FBH1: variants seen among roughly 807,000 people sequenced by gnomAD.
The protein encoded by FBH1 is DNA 3'-5' helicase 1.
In FBH1, 43 loss-of-function variants were observed where a neutral mutation model predicts 115.5. The observed-to-expected ratio is 0.37, with a 90% CI of 0.29 to 0.48. The LOEUF (loss-of-function observed/expected upper bound fraction) is 0.48. Ranked by LOEUF, FBH1 falls within the 20% of genes least tolerant of loss-of-function variation. The pLI is 0.99. For synonymous variants in FBH1, 524 were observed against 507.8 expected (o/e 1.03, Z -0.43); for missense variants, 1,001 against 1,337.3 (o/e 0.75, Z 3.92).
In FBH1 at chr10:5,925,407, G is replaced by A; in HGVS notation, c.2637G>A (p.Glu879=). 6.2e-7 allele frequency: 1 copy of A among 1,614,208 alleles called. No individual in the cohort carries two copies. Among genetic ancestry groups the A allele is most frequent in the Non-Finnish European group, 8.5e-7 (1 of 1,180,042 alleles). Residue 879 remains glutamate (E), a synonymous_variant, in exon 18 of 21, where the codon GAG becomes GAA. Transcript: ENST00000362091. The surrounding 1 kb of genome is among the most constrained non-coding windows in gnomAD (Gnocchi z 4.6). ...LGTVHKAKGL[E]FDTVHVLDDF... ...CTGTGCACAAAGCCAAAGGCCTGGA[G>A]TTTGACACTGTGCATGTTTTGGATG...
chr10:5,911,234 G>C lies in FBH1; in HGVS notation c.1211+106G>C. On this transcript the variant is annotated intron_variant, in intron 6 of 20. Transcript: ENST00000362091. The surrounding 1 kb of genome is among the most constrained non-coding windows in gnomAD (Gnocchi z 5.4). ...TAGCAGTGTTAGCACCTGGCAGGCTGTGGGACCCACCTGCTCCACCTCAGT... is the reference window on the plus strand; with the variant it reads ...TAGCAGTGTTAGCACCTGGCAGGCTCTGGGACCCACCTGCTCCACCTCAGT... The C allele has an allele frequency of 8.8e-7, 1 of 1,135,514 alleles. No individual in the cohort carries two copies. The highest frequency in any genetic ancestry group is 1.2e-6 in the Non-Finnish European group (1 of 801,956). 70.3% of individuals were successfully genotyped at this position (1,135,514 alleles called of 1,614,324 possible).
Position 5,936,230 on chromosome 10 carries a change from AAT to A in FBH1, c.2830-215_2830-214del. The stretch of plus-strand genomic sequence containing the variant: ...AATAGTTTTGCATGTTTATCTGTTA[AAT>A]ATATATATATTTAAAAAGCAATTGG... On this transcript the variant is annotated intron_variant, in intron 19 of 20. Coordinates refer to ENST00000362091, the MANE Select transcript of FBH1 (RefSeq NM_178150.3). The surrounding 1 kb of genome is among the most constrained non-coding windows in gnomAD (Gnocchi z 5.6). 26 of 334,812 alleles carry A rather than the reference AAT, an allele frequency of 7.8e-5. No individual in the cohort carries two copies. The highest frequency in any genetic ancestry group is 8.8e-4 in the Middle Eastern group (1 of 1,136). The allele number at this position is 334,812 out of a possible 1,614,324, so 20.7% of individuals were successfully genotyped here. A position where few individuals can be genotyped will look rare whatever the true frequency, so the allele number is the denominator to read the frequency against.
Position 5,925,296 on chromosome 10 carries a change from A to G in FBH1, c.2597-71A>G, listed in dbSNP as rs1832577179. 3 of 1,576,646 alleles carry G rather than the reference A, an allele frequency of 1.9e-6. No homozygotes were observed. The highest frequency in any genetic ancestry group is 1.2e-5 in the South Asian group (1 of 86,280). On this transcript the variant is annotated intron_variant, in intron 17 of 20. Transcript: ENST00000362091. This position sits in a 1 kb window ranked among gnomAD's most constrained non-coding sequence, Gnocchi z 4.6. ...TCGAGTTCAGAGTCAAGTGGGAAAC[A>G]TGTATGTTTTTGTCATCTTGTTTCT... is the stretch of plus-strand genomic sequence containing the variant.
chr10:5,922,616 T>A (rs1832379910), intron 15 of FBH1, among the ~76,000 whole-genome samples: 1 of 152,244 alleles, frequency 6.6e-6, no homozygotes, highest in African/African-American at 2.4e-5. Flanking sequence ...CACACCTGGT[T>A]GTGGGTTATA....
rs1831712095 is a variant in FBH1 at position 5,913,169 on chromosome 10, TC to T, written c.1212-577del. On this transcript the variant is annotated intron_variant, in intron 6 of 20. Transcript: ENST00000362091. The surrounding 1 kb of genome is among the most constrained non-coding windows in gnomAD (Gnocchi z 4.4). The stretch of plus-strand genomic sequence containing the variant: ...TGCCTCTGCTGATTGAACTTTGTCA[TC>T]TTTGGTCCCTCTTGGTGACTTGGAG... Among the ~76,000 whole-genome samples the T allele has an allele frequency of 6.6e-6, 1 of 152,134 alleles. No homozygotes were observed. Among genetic ancestry groups the T allele is most frequent in the African/African-American group, 2.4e-5 (1 of 41,420 alleles).
intron 18 of FBH1, among the ~76,000 whole-genome samples, chr10:5,926,938 G>A (rs1832690057): frequency 6.6e-6 from 1 of 152,232 alleles, no homozygotes; most frequent in African/African-American, 2.4e-5. Flanking sequence ...TGTCTTCCTT[G>A]TTGTCCTGTG....
chr10:5,931,883 C>A lies in FBH1; in HGVS notation c.2829+4342C>A, dbSNP rs866022946. 6.6e-6 allele frequency among the ~76,000 whole-genome samples: 1 copy of A among 152,178 alleles called. No individual in the cohort carries two copies. The highest frequency in any genetic ancestry group is 1.5e-5 in the Non-Finnish European group (1 of 68,032). ...TTGCGCCTGGGCACAGTGGCTCACC[C>A]CTGTAATCCCAGCACTTTGCGGGGC... is the stretch of plus-strand genomic sequence containing the variant. On this transcript the variant is annotated intron_variant, in intron 19 of 20. Transcript: ENST00000362091. This position sits in a 1 kb window ranked among gnomAD's most constrained non-coding sequence, Gnocchi z 4.3.
rs1027142971 is a variant in FBH1 at position 5,923,919 on chromosome 10, A to G, written c.2398+223A>G. 1.5e-5 allele frequency: 9 copies of G among 584,368 alleles called. No homozygotes were observed. Among genetic ancestry groups the G allele is most frequent in the African/African-American group, 1.5e-4 (8 of 53,568 alleles). 36.2% of individuals were successfully genotyped at this position (584,368 alleles called of 1,614,324 possible). ...TCACAGGAGCCTCAGTCTCTTTCCA[A>G]CACTGGTCCCATAGACTGTCTTCCC... On this transcript the variant is annotated intron_variant, in intron 16 of 20. Coordinates refer to ENST00000362091, the MANE Select transcript of FBH1 (RefSeq NM_178150.3). This position sits in a 1 kb window ranked among gnomAD's most constrained non-coding sequence, Gnocchi z 5.7.
At position 5,923,887 on chromosome 10, in the gene FBH1, A is replaced by T. The variant is rs1413784819; in HGVS notation, c.2398+191A>T. ...CATAGGTACTGACAGATTTTTCCAG[A>T]TCCTCCTCACAGGAGCCTCAGTCTC... On this transcript the variant is annotated intron_variant, in intron 16 of 20. Coordinates refer to ENST00000362091, the MANE Select transcript of FBH1 (RefSeq NM_178150.3). The surrounding 1 kb of genome is among the most constrained non-coding windows in gnomAD (Gnocchi z 5.7). 6 of 595,454 alleles carry T rather than the reference A, an allele frequency of 1.0e-5. No individual in the cohort carries two copies. The highest frequency in any genetic ancestry group is 1.5e-5 in the Non-Finnish European group (5 of 337,956). The allele number at this position is 595,454 out of a possible 1,614,324, so 36.9% of individuals were successfully genotyped here. A position where few individuals can be genotyped will look rare whatever the true frequency, so the allele number is the denominator to read the frequency against.
Position 5,936,661 on chromosome 10 carries a change from T to A in FBH1, c.2961+74T>A, listed in dbSNP as rs1833379974. Reference sequence around the variant, plus strand: ...TTGTGAGCTCTGTGCTTATCTGGGTTGTAGGTGAGGAGATAAGAGAGAGCT... The same window carrying A: ...TTGTGAGCTCTGTGCTTATCTGGGTAGTAGGTGAGGAGATAAGAGAGAGCT... On this transcript the variant is annotated intron_variant, in intron 20 of 20. Coordinates refer to ENST00000362091, the MANE Select transcript of FBH1 (RefSeq NM_178150.3). The surrounding 1 kb of genome is among the most constrained non-coding windows in gnomAD (Gnocchi z 5.6). 1 of 1,571,304 alleles carries A rather than the reference T, an allele frequency of 6.4e-7. No homozygotes were observed. Among genetic ancestry groups the A allele is most frequent in the African/African-American group, 1.3e-5 (1 of 74,160 alleles).
chr10:5,910,884 G>T lies in FBH1; in HGVS notation c.1021-54G>T. Reference sequence around the variant, plus strand: ...TCCTGACTCCTTCCTGCTGTGATTCGTATTAACCATGGCCTGTGGGCTGTC... The same window carrying T: ...TCCTGACTCCTTCCTGCTGTGATTCTTATTAACCATGGCCTGTGGGCTGTC... On this transcript the variant is annotated intron_variant, in intron 5 of 20. Coordinates refer to ENST00000362091, the MANE Select transcript of FBH1 (RefSeq NM_178150.3). This position sits in a 1 kb window ranked among gnomAD's most constrained non-coding sequence, Gnocchi z 4.8. 6.7e-7 allele frequency: 1 copy of T among 1,500,928 alleles called. No individual in the cohort carries two copies. Among genetic ancestry groups the T allele is most frequent in the Non-Finnish European group, 9.0e-7 (1 of 1,106,808 alleles). 93.0% of individuals were successfully genotyped at this position (1,500,928 alleles called of 1,614,324 possible).
chr10:5,894,077 G>A (rs1209507441), intron 1 of FBH1: 4 of 985,248 alleles, frequency 4.1e-6, no homozygotes, highest in East Asian at 2.3e-4. Flanking sequence ...AGAGGATCCC[G>A]GGGAGATTGA....
upstream of FBH1, chr10:5,890,028 G>A (rs1842600978): frequency 7.2e-6 from 2 of 276,390 alleles, no homozygotes; most frequent in Non-Finnish European, 1.4e-5. Context: ...GGCCCGAGCG[G>A]AAGCGCGGAT....
At position 5,921,108 on chromosome 10, in the gene FBH1, T is replaced by G; in HGVS notation, c.2101-150T>G. 1.6e-6 allele frequency: 1 copy of G among 638,536 alleles called. No homozygotes were observed. Among genetic ancestry groups the G allele is most frequent in the Non-Finnish European group, 2.7e-6 (1 of 364,790 alleles). The allele number at this position is 638,536 out of a possible 1,614,324, so 39.6% of individuals were successfully genotyped here. ...AAAGACTGCTGAGTTGTGAAGGACC[T>G]TGAAAGTGAGCCTGTGAAGTTCGCT... On this transcript the variant is annotated intron_variant, in intron 13 of 20. Transcript: ENST00000362091. This position sits in a 1 kb window ranked among gnomAD's most constrained non-coding sequence, Gnocchi z 6.4.
chr10:5,901,513 A>T (rs576812851), intron 1 of FBH1, among the ~76,000 whole-genome samples: 1 of 147,622 alleles, frequency 6.8e-6, no homozygotes, highest in Non-Finnish European at 1.5e-5. Context: ...ACCTGATTTT[A>T]TTCTCTTTTG....
chr10:5,921,453 A>G lies in FBH1; in HGVS notation c.2206A>G (p.Ile736Val), dbSNP rs1052807638. The change falls in exon 15 of 21, where the codon ATT becomes GTT. Residue 736 changes from isoleucine to valine, a missense_variant. By Grantham distance (29) the Ile-to-Val change is conservative. This residue lies in a region of FBH1 where 521 missense variants were observed against 811.0 expected (regional missense o/e 0.64). Coordinates refer to ENST00000362091, the MANE Select transcript of FBH1 (RefSeq NM_178150.3). The surrounding 1 kb of genome is among the most constrained non-coding windows in gnomAD (Gnocchi z 6.4). ...TLVGGNHQSG[I>V]RGDAKGQVAL... Reference sequence around the variant, plus strand: ...TTTGTGCTCTCTCCCTAAAGGTGGCATTAGAGGTGACGCAAAGGGGCAAGT... The same window carrying G: ...TTTGTGCTCTCTCCCTAAAGGTGGCGTTAGAGGTGACGCAAAGGGGCAAGT... The G allele has an allele frequency of 5.0e-6, 8 of 1,605,196 alleles. No individual in the cohort carries two copies. Among genetic ancestry groups the G allele is most frequent in the Non-Finnish European group, 5.9e-6 (7 of 1,177,398 alleles).
Position 5,917,157 on chromosome 10 carries a change from G to T in FBH1, c.1789-263G>T. 1 of 457,090 alleles carries T rather than the reference G, an allele frequency of 2.2e-6. No individual in the cohort carries two copies. The allele number at this position is 457,090 out of a possible 1,614,324, so 28.3% of individuals were successfully genotyped here. A position where few individuals can be genotyped will look rare whatever the true frequency, so the allele number is the denominator to read the frequency against. On this transcript the variant is annotated intron_variant, in intron 10 of 20. Coordinates refer to ENST00000362091, the MANE Select transcript of FBH1 (RefSeq NM_178150.3). This position sits in a 1 kb window ranked among gnomAD's most constrained non-coding sequence, Gnocchi z 5.6. ...AGTCATAAATCTAGAAGAACAATTTGGCCTTTTCTGGTTCACCTAACTGTT... is the reference window on the plus strand; with the variant it reads ...AGTCATAAATCTAGAAGAACAATTTTGCCTTTTCTGGTTCACCTAACTGTT...
chr10:5,895,258 C>T lies in FBH1; in HGVS notation c.1+4912C>T. The T allele has an allele frequency of 6.6e-7, 1 of 1,513,146 alleles. No homozygotes were observed. The highest frequency in any genetic ancestry group is 8.9e-7 in the Non-Finnish European group (1 of 1,117,760). The allele number at this position is 1,513,146 out of a possible 1,614,324, so 93.7% of individuals were successfully genotyped here. A position where few individuals can be genotyped will look rare whatever the true frequency, so the allele number is the denominator to read the frequency against. On this transcript the variant is annotated intron_variant, in intron 1 of 20. Coordinates refer to ENST00000362091, the MANE Select transcript of FBH1 (RefSeq NM_178150.3). This position sits in a 1 kb window ranked among gnomAD's most constrained non-coding sequence, Gnocchi z 5.0. ...AAATTGTCCAGATTAGCAAAACTGCCCTCTGTGGATCTTTGTTAAAGTTGG... is the reference window on the plus strand; with the variant it reads ...AAATTGTCCAGATTAGCAAAACTGCTCTCTGTGGATCTTTGTTAAAGTTGG...
rs1564458794 is a variant in FBH1, at chr10:5,924,795, A to C, written c.2596+287A>C. 2.0e-6 allele frequency: 1 copy of C among 501,146 alleles called. No individual in the cohort carries two copies. Among genetic ancestry groups the C allele is most frequent in the Non-Finnish European group, 3.9e-6 (1 of 258,536 alleles). 31.0% of individuals were successfully genotyped at this position (501,146 alleles called of 1,614,324 possible). ...TGGCCAGGCTGGTCTCGAACTCCCA[A>C]CCTCAGGTAATCTGCCCACCTCGAC... On this transcript the variant is annotated intron_variant, in intron 17 of 20. Coordinates refer to ENST00000362091, the MANE Select transcript of FBH1 (RefSeq NM_178150.3). The surrounding 1 kb of genome is among the most constrained non-coding windows in gnomAD (Gnocchi z 6.2).
Sources: allele counts gnomAD v4.1 joint callset (sites outside exome capture counted in the v4.1 genomes callset), GRCh38; gene constraint gnomAD v4.1.1; regional missense constraint gnomAD v4.1.1; non-coding constraint Gnocchi (gnomAD v3.1); transcripts MANE v1.5; gene names NCBI Gene and HGNC (gene_info 2026-07-23, HGNC 2026-07-21).